The following SOX5 variants were observed in gnomAD, a reference collection of about 807,000 sequenced individuals.
SOX5 encodes SRY-box transcription factor 5.
Under a neutral mutation model 92.0 loss-of-function variants are expected in SOX5, and 9 were observed. The observed-to-expected ratio is 0.10, with a 90% CI of 0.06 to 0.17. The LOEUF is 0.17. Among genes scored for constraint, SOX5 ranks in the 10% least tolerant of loss-of-function variants. SOX5 has a pLI of 1.00. For synonymous variants in SOX5, 344 were observed against 336.3 expected (o/e 1.02, Z -0.25); for missense variants, 642 against 944.5 (o/e 0.68, Z 4.20).
chr12:24,457,447 T>C (rs1179665141), intron 1 of SOX5, among the ~76,000 whole-genome samples: 1 of 152,230 alleles, frequency 6.6e-6, no homozygotes, highest in Non-Finnish European at 1.5e-5. Context: ...TTTGACATTT[T>C]AGTTAATCTA....
At chr12:24,467,374 G>C (rs1190589056) in intron 1 of SOX5, among the ~76,000 whole-genome samples, 2 of 152,208 alleles carry the variant, frequency 1.3e-5, no homozygotes, top group African/African-American at 4.8e-5. Flanking sequence ...CGTTACAATG[G>C]AGCTACACAC....
intron 1 of SOX5, among the ~76,000 whole-genome samples, chr12:23,928,767 T>C (rs1270299462): frequency 6.6e-6 from 1 of 151,704 alleles, no homozygotes; most frequent in Non-Finnish European, 1.5e-5. Context: ...TTGACAATTA[T>C]CTTTAAGCAT....
At chr12:24,497,787 A>G (rs1947795620) in intron 1 of SOX5, among the ~76,000 whole-genome samples, 1 of 152,194 alleles carries the variant, frequency 6.6e-6, no homozygotes, top group Non-Finnish European at 1.5e-5. Context: ...CAGACAAGAC[A>G]TGGAATCAAC....
intron 11 of SOX5, among the ~76,000 whole-genome samples, chr12:23,547,616 A>G (rs1375709371): frequency 6.6e-6 from 1 of 152,070 alleles, no homozygotes; most frequent in African/African-American, 2.4e-5. Flanking sequence ...AACTGTACAT[A>G]CTAAATTAAA....
chr12:24,368,938 G>A (rs1956437028), intron 1 of SOX5, among the ~76,000 whole-genome samples: 1 of 152,070 alleles, frequency 6.6e-6, no homozygotes, highest in Admixed American at 6.6e-5. Context: ...ATGTCCTTTG[G>A]AGTTAGGCCA....
At chr12:24,481,559 C>G (rs923999858) in intron 1 of SOX5, among the ~76,000 whole-genome samples, 42 of 151,898 alleles carry the variant, frequency 2.8e-4, no homozygotes, top group African/African-American at 9.7e-4. Flanking sequence ...TACTAGGTAC[C>G]CGCAAAAATT....
intron 4 of SOX5, among the ~76,000 whole-genome samples, chr12:24,058,846 T>C (rs1939109269): frequency 6.6e-6 from 1 of 152,180 alleles, no homozygotes; most frequent in African/African-American, 2.4e-5. Context: ...ATTGTACATA[T>C]GTAGTTACAT....
intron 1 of SOX5, among the ~76,000 whole-genome samples, chr12:24,477,111 T>C (rs1257318086): frequency 6.6e-6 from 1 of 150,536 alleles, no homozygotes; most frequent in Non-Finnish European, 1.5e-5. Flanking sequence ...CATATATAAA[T>C]TCTAAGACTG....
chr12:23,668,344 A>T (rs1363379103), intron 6 of SOX5, among the ~76,000 whole-genome samples: 1 of 152,212 alleles, frequency 6.6e-6, no homozygotes, highest in African/African-American at 2.4e-5. Flanking sequence ...ATTGTTCAGC[A>T]TTCACTAATT....
Position 23,534,177 on chromosome 12 carries a change from G to A in SOX5, c.*42C>T. Reference sequence around the variant, plus strand: ...CACTGGTAAGGATGAACCAGTTAGGGCTTCTTTAAGTCCTAAGGTCACAAC... The same window carrying A: ...CACTGGTAAGGATGAACCAGTTAGGACTTCTTTAAGTCCTAAGGTCACAAC... On this transcript the variant is annotated 3_prime_UTR_variant, in exon 15 of 15. Transcript: ENST00000451604. The A allele has an allele frequency of 6.5e-7, 1 of 1,543,738 alleles. No homozygotes were observed. The highest frequency in any genetic ancestry group is 8.9e-7 in the Non-Finnish European group (1 of 1,124,648).
chr12:23,589,961 T>C (rs1951293704), intron 9 of SOX5, among the ~76,000 whole-genome samples: 1 of 152,002 alleles, frequency 6.6e-6, no homozygotes, highest in Non-Finnish European at 1.5e-5. Flanking sequence ...AATGAAGTAT[T>C]ATAAGTGTGC....
chr12:24,503,723 G>C (rs1489676360), intron 1 of SOX5, among the ~76,000 whole-genome samples: 4 of 152,096 alleles, frequency 2.6e-5, no homozygotes, highest in Non-Finnish European at 2.9e-5. Flanking sequence ...ACTAACTCAG[G>C]ACAGAAAACC....
At chr12:24,002,571 A>ACAT (rs1491572551) in intron 4 of SOX5, among the ~76,000 whole-genome samples, 3 of 149,130 alleles carry the variant, frequency 2.0e-5, no homozygotes, top group East Asian at 1.9e-4. Flanking sequence ...TTGAATTAGT[A>ACAT]ATTTTCTTAC....
At chr12:23,882,344 G>A (rs2097002616) in intron 2 of SOX5, among the ~76,000 whole-genome samples, 1 of 150,010 alleles carries the variant, frequency 6.7e-6, no homozygotes, top group African/African-American at 2.5e-5. Context: ...TAAGTGAAAT[G>A]AAATATTTAA....
At chr12:24,379,636 A>G (rs1337625148) in intron 1 of SOX5, among the ~76,000 whole-genome samples, 1 of 152,182 alleles carries the variant, frequency 6.6e-6, no homozygotes, top group Non-Finnish European at 1.5e-5. Context: ...AGTGAAGCCG[A>G]CATTCAAAGT....
chr12:24,234,771 A>C (rs1370972588), intron 3 of SOX5, among the ~76,000 whole-genome samples: 1 of 152,198 alleles, frequency 6.6e-6, no homozygotes, highest in Non-Finnish European at 1.5e-5. Flanking sequence ...GAGTTGTTAA[A>C]TGCTACAGTG....
At chr12:23,563,490 ATAGG>A in intron 10 of SOX5, 87 bp from the exon 11 acceptor site, 1 of 1,150,238 alleles carries the variant, frequency 8.7e-7, no homozygotes, top group Non-Finnish European at 1.3e-6. Flanking sequence ...TTTCTTGGTA[ATAGG>A]TAGTGTCTGG....
chr12:23,744,395 C>T (rs995793155), intron 4 of SOX5, among the ~76,000 whole-genome samples: 3 of 152,108 alleles, frequency 2.0e-5, no homozygotes, highest in African/African-American at 7.2e-5. Flanking sequence ...TGGGGTATCT[C>T]TGAGGGTGTA....
chr12:23,933,077 T>A (rs566434165), intron 1 of SOX5, among the ~76,000 whole-genome samples: 1 of 151,826 alleles, frequency 6.6e-6, no homozygotes, highest in South Asian at 2.1e-4. Context: ...AGATCCCCTT[T>A]TACATAGTTT....
Sources: allele counts gnomAD v4.1 joint callset (sites outside exome capture counted in the v4.1 genomes callset), GRCh38; gene constraint gnomAD v4.1.1; transcripts MANE v1.5; gene names NCBI Gene and HGNC (gene_info 2026-07-23, HGNC 2026-07-21).